The following TENM2 variants were observed in gnomAD, a reference collection of about 807,000 sequenced individuals.
TENM2 encodes teneurin transmembrane protein 2.
In TENM2, 52 loss-of-function variants were observed where a neutral mutation model predicts 245.2. The ratio of observed to expected loss-of-function variants is 0.21; its 90% CI spans 0.17 to 0.27. The LOEUF (loss-of-function observed/expected upper bound fraction) is 0.27. Ranked by LOEUF, TENM2 falls within the 10% of genes least tolerant of loss-of-function variation. The probability of loss-of-function intolerance (pLI) is 1.00; values close to 1 mark genes in which losing one functional copy is unlikely to be tolerated. For synonymous variants in TENM2, 1,363 were observed against 1,438.9 expected (o/e 0.95, Z 1.19); for missense variants, 3,046 against 3,666.8 (o/e 0.83, Z 4.37).
intron 2 of TENM2, among the ~76,000 whole-genome samples, chr5:167,512,797 T>A (rs1449793012): frequency 6.6e-6 from 1 of 152,194 alleles, no homozygotes; most frequent in Non-Finnish European, 1.5e-5. Context: ...GCCTTTTTGG[T>A]GTCTATTTTT....
intron 1 of TENM2, among the ~76,000 whole-genome samples, chr5:167,351,151 GAT>G (rs1758883263): frequency 8.1e-6 from 1 of 123,248 alleles, no homozygotes; most frequent in Admixed American, 1.2e-4. Flanking sequence ...TATACATATG[GAT>G]TATATATATA....
chr5:167,242,052 T>TG, the TENM2 span, among the ~76,000 whole-genome samples: 13 of 150,588 alleles, frequency 8.6e-5, no homozygotes, highest in Non-Finnish European at 1.6e-4. Flanking sequence ...TTTTGTTTTT[T>TG]TTTTTTTTTG....
chr5:167,745,531 T>TACCATAAAATCCACAC (rs1453958521), intron 2 of TENM2, among the ~76,000 whole-genome samples: 2 of 152,234 alleles, frequency 1.3e-5, no homozygotes, highest in African/African-American at 4.8e-5. Context: ...ATAATTCACA[T>TACCATAAAATCCACAC]ACCATAAAAT....
intron 12 of TENM2, among the ~76,000 whole-genome samples, chr5:168,153,947 A>G (rs1756882997): frequency 2.0e-5 from 3 of 152,098 alleles, no homozygotes; most frequent in African/African-American, 7.2e-5. Flanking sequence ...ATTCACCCCC[A>G]TAACTCTCAA....
At chr5:167,335,690 G>C (rs983966767) in intron 1 of TENM2, among the ~76,000 whole-genome samples, 1 of 151,944 alleles carries the variant, frequency 6.6e-6, no homozygotes, top group Non-Finnish European at 1.5e-5. Context: ...CAAATCCTTA[G>C]AGGTTCAGCC....
At chr5:167,515,610 TATATATATAC>T (rs1238992612) in intron 2 of TENM2, among the ~76,000 whole-genome samples, 4 of 113,362 alleles carry the variant, frequency 3.5e-5, no homozygotes, top group African/African-American at 7.2e-5. Context: ...CATAGGGCAA[TATATATATAC>T]ATATATATAC....
At chr5:167,340,375 TAAAC>T (rs990994109) in intron 1 of TENM2, among the ~76,000 whole-genome samples, 3 of 152,224 alleles carry the variant, frequency 2.0e-5, no homozygotes, top group African/African-American at 7.2e-5. Flanking sequence ...TTCGATGGCT[TAAAC>T]AAGAGAAATT....
chr5:167,876,169 C>T, exon 3 of TENM2: 1 of 1,551,576 alleles, frequency 6.4e-7, no homozygotes, highest in South Asian at 1.2e-5. Context: ...AGAGCATGCT[C>T]AGGGCCCCAG....
chr5:168,242,740 G>T (rs747649029), intron 25 of TENM2, among the ~76,000 whole-genome samples: 4 of 152,130 alleles, frequency 2.6e-5, no homozygotes, highest in African/African-American at 9.7e-5. Flanking sequence ...ATCACCTGAG[G>T]TCAGGAGTTC....
intron 13 of TENM2, among the ~76,000 whole-genome samples, chr5:168,180,592 CT>C (rs1235739567): frequency 6.6e-6 from 1 of 152,194 alleles, no homozygotes; most frequent in Non-Finnish European, 1.5e-5. Flanking sequence ...TCTTGAGAAT[CT>C]TCTTTAAAAT....
At chr5:168,245,283 T>C (rs1766452543) in intron 26 of TENM2, among the ~76,000 whole-genome samples, 2 of 152,118 alleles carry the variant, frequency 1.3e-5, no homozygotes, top group Middle Eastern at 3.4e-3. Flanking sequence ...AATTGTCTGA[T>C]TCTATTTCAA....
intron 13 of TENM2, 28 bp from the exon 16 acceptor site, chr5:168,190,309 G>C (rs867372425): frequency 5.7e-6 from 9 of 1,586,456 alleles, no homozygotes; most frequent in South Asian, 1.1e-5. Flanking sequence ...GAAATCTGCT[G>C]ACTCTGGCTC....
chr5:167,659,284 T>C (rs1217658136), intron 2 of TENM2, among the ~76,000 whole-genome samples: 1 of 152,228 alleles, frequency 6.6e-6, no homozygotes, highest in Non-Finnish European at 1.5e-5. Context: ...TGTTGTTGTA[T>C]TGAACTCCTA....
chr5:167,009,892 A>G, the TENM2 span, among the ~76,000 whole-genome samples: 1 of 152,178 alleles, frequency 6.6e-6, no homozygotes, highest in Non-Finnish European at 1.5e-5. Context: ...AATTGGGAAC[A>G]TTTTTCTTAG....
chr5:168,233,477 C>G (rs113117990), intron 25 of TENM2, among the ~76,000 whole-genome samples: 1 of 152,184 alleles, frequency 6.6e-6, no homozygotes, highest in African/African-American at 2.4e-5. Context: ...CTTCTATAGG[C>G]GCCTTCTTAA....
chr5:167,858,448 A>G (rs947711109), intron 2 of TENM2, among the ~76,000 whole-genome samples: 2 of 152,188 alleles, frequency 1.3e-5, no homozygotes, highest in African/African-American at 2.4e-5. Flanking sequence ...CTCACATGCA[A>G]ACTCCTCACT....
chr5:168,090,619 G>C (rs776848550), exon 8 of TENM2: 1 of 1,613,636 alleles, frequency 6.2e-7, no homozygotes, highest in Admixed American at 1.7e-5. Context: ...GTGGAGTGTG[G>C]TTGAGTCTCC....
chr5:167,532,766 A>G (rs145638054), intron 2 of TENM2, among the ~76,000 whole-genome samples: 1 of 149,538 alleles, frequency 6.7e-6, no homozygotes, highest in African/African-American at 2.5e-5. Flanking sequence ...ACATATGTGT[A>G]TATATACACA....
At chr5:167,029,372 C>T in the TENM2 span, among the ~76,000 whole-genome samples, 1 of 152,158 alleles carries the variant, frequency 6.6e-6, no homozygotes, top group African/African-American at 2.4e-5. Context: ...TAAAAATTTT[C>T]GTTGATCCCC....
Sources: gnomAD v4.1 joint callset for allele counts (sites outside exome capture counted in the v4.1 genomes callset) on GRCh38, gnomAD v4.1.1 for gene constraint, MANE v1.5 for transcripts, NCBI Gene and HGNC (gene_info 2026-07-23, HGNC 2026-07-21) for gene names.